Variants in TNRC6A observed in about 807,000 individuals in gnomAD.
TNRC6A encodes trinucleotide repeat-containing gene 6A protein.
In TNRC6A, 44 loss-of-function variants were observed where a neutral mutation model predicts 221.2. The ratio of observed to expected loss-of-function variants is 0.20; its 90% CI spans 0.16 to 0.26. The LOEUF is 0.26. Ranked by LOEUF, TNRC6A falls within the 10% of genes least tolerant of loss-of-function variation. The pLI, the probability that TNRC6A is intolerant of heterozygous loss-of-function variation, is 1.00. For missense variants in TNRC6A, 2,199 were observed against 2,404.4 expected, an observed-to-expected ratio of 0.91 and a Z score of 1.79; for synonymous variants, 847 against 838.5, an observed-to-expected ratio of 1.01 and a Z score of -0.18.
intron 2 of TNRC6A, among the ~76,000 whole-genome samples, chr16:24,743,363 C>T (rs985993610): frequency 6.6e-6 from 1 of 151,882 alleles, no homozygotes; most frequent in Non-Finnish European, 1.5e-5. Flanking sequence ...ACTCTGTCAC[C>T]CAGGCTGGAG....
At chr16:24,752,116 T>TTGTATTTTA (rs1368476450) in intron 3 of TNRC6A, among the ~76,000 whole-genome samples, 1 of 152,074 alleles carries the variant, frequency 6.6e-6, no homozygotes, top group Middle Eastern at 3.2e-3. Context: ...ACATAAAAGT[T>TTGTATTTTA]TGTATTTTAG....
intron 2 of TNRC6A, among the ~76,000 whole-genome samples, chr16:24,736,354 C>G (rs1367085918): frequency 1.3e-5 from 2 of 152,172 alleles, no homozygotes; most frequent in African/African-American, 4.8e-5. Context: ...TGACAGCAAT[C>G]AAATGATCAC....
chr16:24,702,960 A>C (rs1412612695), intron 2 of TNRC6A, among the ~76,000 whole-genome samples: 1 of 152,018 alleles, frequency 6.6e-6, no homozygotes, highest in Non-Finnish European at 1.5e-5. Context: ...ATGTGAACCC[A>C]GGAGGCAGAG....
chr16:24,706,971 TTATCTATTTTTATTTATG>T (rs1173895319), intron 2 of TNRC6A, among the ~76,000 whole-genome samples: 4 of 136,664 alleles, frequency 2.9e-5, no homozygotes, highest in African/African-American at 1.2e-4. Flanking sequence ...ATTTATTTAT[TTATCTATTTTTATTTATG>T]TATTTATTTA....
At chr16:24,676,280 A>G (rs1219437009) in intron 2 of TNRC6A, among the ~76,000 whole-genome samples, 6 of 151,664 alleles carry the variant, frequency 4.0e-5, no homozygotes, top group Admixed American at 4.0e-4. Flanking sequence ...AATTTCTTTC[A>G]TTTTTTATTT....
At chr16:24,704,485 T>C (rs2056052669) in intron 2 of TNRC6A, among the ~76,000 whole-genome samples, 2 of 151,234 alleles carry the variant, frequency 1.3e-5, no homozygotes, top group African/African-American at 4.9e-5. Context: ...GCCAACATGG[T>C]GAAACCCCAT....
intron 2 of TNRC6A, among the ~76,000 whole-genome samples, chr16:24,683,748 T>A (rs2142074969): frequency 6.6e-6 from 1 of 152,276 alleles, no homozygotes; most frequent in East Asian, 1.9e-4. Flanking sequence ...ATCTGTAAAG[T>A]AAGGACAACC....
intron 2 of TNRC6A, among the ~76,000 whole-genome samples, chr16:24,650,146 C>T (rs1418179955): frequency 6.6e-6 from 1 of 151,658 alleles, no homozygotes; most frequent in Admixed American, 6.6e-5. Context: ...ATTTACTATT[C>T]TTGTCATAGC....
intron 2 of TNRC6A, among the ~76,000 whole-genome samples, chr16:24,716,955 C>CAAA (rs141168433): frequency 1.3e-5 from 1 of 75,138 alleles, no homozygotes; most frequent in African/African-American, 5.0e-5. Context: ...GACTCCATCT[C>CAAA]AAAAAAAAAA....
At chr16:24,690,244 A>G (rs1379996111) in intron 2 of TNRC6A, among the ~76,000 whole-genome samples, 3 of 152,004 alleles carry the variant, frequency 2.0e-5, no homozygotes, top group Admixed American at 2.0e-4. Context: ...TCCTGACCTT[A>G]AGTGATCCTC....
At chr16:24,664,150 G>A (rs1161020940) in intron 2 of TNRC6A, 6 of 307,550 alleles carry the variant, frequency 2.0e-5, no homozygotes, top group East Asian at 8.5e-5. Flanking sequence ...TGGCCAACAC[G>A]GCGAAACCCC....
At position 24,689,388 on chromosome 16, in the gene TNRC6A, T is replaced by G. The variant is rs182335583; in HGVS notation, n.402+48379T>G. On this transcript the variant is annotated intron_variant and non_coding_transcript_variant, in intron 2 of 2. Transcript: ENST00000566108. The stretch of plus-strand genomic sequence containing the variant: ...GGCCATGCAGCAAGAGGATGTCTGA[T>G]ATGGACATGGATCAAGAACAGATTG... Among the ~76,000 whole-genome samples the G allele has an allele frequency of 9.2e-4, 140 of 152,280 alleles. 1 individual carries two copies. The highest frequency in any genetic ancestry group is 3.4e-3 in the Middle Eastern group (1 of 294).
Position 24,777,174 on chromosome 16 carries a change from A to G in TNRC6A, c.405A>G (p.Glu135=). Residue 135 remains glutamate (E), a synonymous_variant, in exon 5 of 25, where the codon GAA becomes GAG. Transcript: ENST00000395799. ...QPQALPRYPR[E]VPPRFRHQEH... is the part of the protein sequence containing the mutation. ...AGGCCTTGCCTCGGTATCCTCGTGA[A>G]GTACCTCCACGATTTCGCCACCAGG... The G allele has an allele frequency of 6.2e-7, 1 of 1,614,212 alleles. No individual in the cohort carries two copies. The highest frequency in any genetic ancestry group is 8.5e-7 in the Non-Finnish European group (1 of 1,180,050).
At position 24,647,220 on chromosome 16, in the gene TNRC6A, C is replaced by A. The variant is rs1338301993; in HGVS notation, n.402+6211C>A. ...GTGCTGGGATTACAGGTGTGAGCCA[C>A]CACGCCAGCCTAAAATATCTTTTTA... On this transcript the variant is annotated intron_variant and non_coding_transcript_variant, in intron 2 of 2. Coordinates refer to the TNRC6A transcript ENST00000566108. Among the ~76,000 whole-genome samples the A allele has an allele frequency of 3.9e-5, 6 of 152,292 alleles. No individual in the cohort carries two copies. The East Asian group carries it at 1.2e-3, about 29-fold the overall frequency.
intron 4 of TNRC6A, among the ~76,000 whole-genome samples, chr16:24,760,306 C>G (rs750259189): frequency 6.6e-6 from 1 of 152,154 alleles, no homozygotes; most frequent in Non-Finnish European, 1.5e-5. Context: ...TGGTTATATT[C>G]TTACATTTTT....
At position 24,825,194 on chromosome 16, in the gene TNRC6A, T is replaced by TC. The variant is rs1251884340; in HGVS notation, c.*1393dup. 1 of 152,674 alleles carries TC rather than the reference T, an allele frequency of 6.5e-6. No homozygotes were observed. Among genetic ancestry groups the TC allele is most frequent in the Non-Finnish European group, 1.5e-5 (1 of 68,020 alleles). 9.5% of individuals were successfully genotyped at this position (152,674 alleles called of 1,614,324 possible). On this transcript the variant is annotated 3_prime_UTR_variant, in exon 25 of 25. Coordinates refer to ENST00000395799, the MANE Select transcript of TNRC6A (RefSeq NM_014494.4). ...TTACACCATTTTAAACTTTCTTTCC[T>TC]CCCCCCTTTTTTTGCCCACAAATGG...
At chr16:24,788,944 G>A (rs1235210544) in intron 5 of TNRC6A, among the ~76,000 whole-genome samples, 3 of 152,084 alleles carry the variant, frequency 2.0e-5, no homozygotes, top group South Asian at 2.1e-4. Flanking sequence ...CACCACGCCC[G>A]GCCCAAAATT....
chr16:24,727,025 CTTT>C (rs371206942), upstream of TNRC6A, among the ~76,000 whole-genome samples: 2 of 138,688 alleles, frequency 1.4e-5, no homozygotes, highest in Non-Finnish European at 1.6e-5. Flanking sequence ...GAAATCACAT[CTTT>C]TTTTTTTTTT....
At chr16:24,799,104 G>A (rs1202653638) in intron 11 of TNRC6A, among the ~76,000 whole-genome samples, 2 of 152,204 alleles carry the variant, frequency 1.3e-5, no homozygotes, top group African/African-American at 4.8e-5. Flanking sequence ...AGCATTGTAG[G>A]TGCCTTGTTG....
Sources: allele counts gnomAD v4.1 joint callset (sites outside exome capture counted in the v4.1 genomes callset), GRCh38; gene constraint gnomAD v4.1.1; transcripts MANE v1.5; gene names NCBI Gene and HGNC (gene_info 2026-07-23, HGNC 2026-07-21).